ELF2: variants seen among roughly 807,000 people sequenced by gnomAD.
The protein encoded by ELF2 is ETS-related transcription factor Elf-2.
A neutral mutation model predicts 54.8 loss-of-function variants in ELF2; 11 were observed. The ratio of observed to expected loss-of-function variants is 0.20; its 90% CI spans 0.13 to 0.33. The LOEUF (loss-of-function observed/expected upper bound fraction) is 0.33, where lower values mean the gene tolerates loss of function less well. Ranked by LOEUF, ELF2 falls within the 10% of genes least tolerant of loss-of-function variation. The probability of loss-of-function intolerance (pLI) is 1.00; values close to 1 mark genes in which losing one functional copy is unlikely to be tolerated. For synonymous variants in ELF2, 203 were observed against 245.1 expected (o/e 0.83, Z 1.61); for missense variants, 513 against 703.0 (o/e 0.73, Z 3.06).
chr4:139,071,840 C>T (rs1729555316), intron 6 of ELF2, 26 bp downstream of exon 6: 2 of 1,554,324 alleles, frequency 1.3e-6, no homozygotes, highest in African/African-American at 1.4e-5. Context: ...CACCTGCCTT[C>T]TCAGAAATGT....
chr4:139,110,210 A>G lies in ELF2; in HGVS notation c.238+14954T>C, dbSNP rs75794675. ...ACAATAACAAGATTAAGACTCTTAA[A>G]GTGGCAAAATAAGATAAAGCTGCTG... On this transcript the variant is annotated intron_variant, in intron 4 of 9. Coordinates refer to ENST00000686138, the MANE Select transcript of ELF2 (RefSeq NM_001331036.3). Among the ~76,000 whole-genome samples the G allele has an allele frequency of 8.4e-4, 128 of 152,310 alleles. No homozygotes were observed. In the East Asian group the frequency reaches 0.023, roughly 28 times the overall value.
intron 3 of ELF2, among the ~76,000 whole-genome samples, chr4:139,132,841 C>CATATATATATATATATATATAT (rs58765596): frequency 1.6e-4 from 18 of 115,026 alleles, no homozygotes; most frequent in East Asian, 5.0e-4. Context: ...TATTACTTTA[C>CATATATATATATATATATATAT]ATATATATAT....
chr4:139,128,230 A>G (rs1036776730), intron 3 of ELF2, among the ~76,000 whole-genome samples: 3 of 152,118 alleles, frequency 2.0e-5, no homozygotes, highest in African/African-American at 7.2e-5. Context: ...AGCCATAATC[A>G]TGCCTTTGCA....
intron 1 of ELF2, among the ~76,000 whole-genome samples, chr4:139,140,668 C>T (rs534287209): frequency 6.6e-6 from 1 of 151,908 alleles, no homozygotes; most frequent in East Asian, 1.9e-4. Flanking sequence ...GTGGGAGGAC[C>T]GCTTGAGCCC....
chr4:139,093,388 ATTC>A (rs1732893328), intron 4 of ELF2, among the ~76,000 whole-genome samples: 1 of 152,252 alleles, frequency 6.6e-6, no homozygotes, highest in Non-Finnish European at 1.5e-5. Context: ...TTCAAAATTA[ATTC>A]TTAACTTATG....
chr4:139,095,697 T>A (rs1335299561), intron 4 of ELF2, among the ~76,000 whole-genome samples: 1 of 152,242 alleles, frequency 6.6e-6, no homozygotes, highest in African/African-American at 2.4e-5. Flanking sequence ...TTAGTCATTA[T>A]GTATTTTTAA....
At chr4:139,078,379 C>A (rs956290268) in intron 4 of ELF2, among the ~76,000 whole-genome samples, 1 of 152,106 alleles carries the variant, frequency 6.6e-6, no homozygotes, top group Non-Finnish European at 1.5e-5. Context: ...CTGCAGCACC[C>A]GATTTACCAC....
At chr4:139,155,992 A>G (rs1740486228) in intron 1 of ELF2, among the ~76,000 whole-genome samples, 1 of 130,554 alleles carries the variant, frequency 7.7e-6, no homozygotes, top group African/African-American at 3.4e-5. Context: ...AGCTCATTTT[A>G]CAAGAAAAAA....
intron 1 of ELF2, among the ~76,000 whole-genome samples, chr4:139,164,190 T>C (rs72724745): frequency 0.26 from 26,280 of 102,544 alleles, 2,732 homozygotes; most frequent in Middle Eastern, 0.48. Context: ...GAGAGGGAGA[T>C]GAAAAGAAAG....
intron 1 of ELF2, among the ~76,000 whole-genome samples, chr4:139,172,675 C>T (rs1041101189): frequency 6.6e-6 from 1 of 152,076 alleles, no homozygotes; most frequent in African/African-American, 2.4e-5. Flanking sequence ...TTTGCTAACA[C>T]CTACAGTAAG....
chr4:139,162,378 A>G (rs1243130882), intron 1 of ELF2, among the ~76,000 whole-genome samples: 1 of 151,712 alleles, frequency 6.6e-6, no homozygotes. Context: ...CTAAACATAC[A>G]AAAAATAGCT....
At chr4:139,077,471 T>C (rs1370244744) in intron 4 of ELF2, among the ~76,000 whole-genome samples, 1 of 152,186 alleles carries the variant, frequency 6.6e-6, no homozygotes, top group African/African-American at 2.4e-5. Context: ...CTAACTAAAA[T>C]AATGCAAAAT....
intron 1 of ELF2, among the ~76,000 whole-genome samples, chr4:139,157,971 C>T (rs1424243655): frequency 6.6e-6 from 1 of 152,194 alleles, no homozygotes; most frequent in Non-Finnish European, 1.5e-5. Flanking sequence ...CAGGTTAAAA[C>T]TTTAACTCGC....
rs151337521 is a variant in ELF2 at position 139,079,536 on chromosome 4, G to A, written c.239-5969C>T. ...GAAGCGCAGCTGTAATTCATCAACT[G>A]TAATTAATAACAACCAAATTCTATC... On this transcript the variant is annotated intron_variant, in intron 4 of 9. Transcript: ENST00000686138. Among the ~76,000 whole-genome samples, 5 of 152,326 alleles carry A rather than the reference G, an allele frequency of 3.3e-5. No homozygotes were observed. In the East Asian group the frequency reaches 9.6e-4, roughly 29 times the overall value.
rs1353679606 is a variant in ELF2 at position 139,060,601 on chromosome 4, T to C, written c.880A>G (p.Lys294Glu). The stretch of plus-strand genomic sequence containing the variant: ...TCATCATCTATGACCACTATGTTTT[T>C]CGGCATATCCTTGAACTGATATACA... Reference protein sequence around the residue: ...RLVYQFKDMPKNIVVIDDDKS... With the variant: ...RLVYQFKDMPENIVVIDDDKS... Residue 294 changes from lysine to glutamate, a missense_variant, in exon 9 of 10, where the codon AAA becomes GAA. Physicochemically the swap from Lys to Glu is moderately conservative, Grantham distance 56 (BLOSUM62 1). Coordinates refer to ENST00000686138, the MANE Select transcript of ELF2 (RefSeq NM_001331036.3). The C allele has an allele frequency of 6.2e-7, 1 of 1,613,984 alleles. No homozygotes were observed.
At chr4:139,162,574 A>T (rs975519388) in intron 1 of ELF2, among the ~76,000 whole-genome samples, 4 of 152,172 alleles carry the variant, frequency 2.6e-5, no homozygotes, top group African/African-American at 9.7e-5. Context: ...AAATGGAATA[A>T]ATGTTTATAA....
intron 1 of ELF2, among the ~76,000 whole-genome samples, chr4:139,152,879 AAT>A (rs1740150941): frequency 6.8e-6 from 1 of 148,126 alleles, no homozygotes; most frequent in Non-Finnish European, 1.5e-5. Flanking sequence ...CATCAATAAC[AAT>A]AGTGTCATAC....
intron 4 of ELF2, chr4:139,114,914 C>G: frequency 6.2e-7 from 1 of 1,612,542 alleles, no homozygotes; most frequent in African/African-American, 1.3e-5. Context: ...CCACCGTTCT[C>G]CTGGGTCGGG....
intron 4 of ELF2, chr4:139,084,432 G>GCGGCGGC (rs1731697963): frequency 8.4e-7 from 1 of 1,184,328 alleles, no homozygotes; most frequent in Non-Finnish European, 1.0e-6. Flanking sequence ...GGGGCGGCAG[G>GCGGCGGC]GGCAGGGGCG....
Sources: gnomAD v4.1 joint callset for allele counts (sites outside exome capture counted in the v4.1 genomes callset) on GRCh38, gnomAD v4.1.1 for gene constraint, MANE v1.5 for transcripts, NCBI Gene and HGNC (gene_info 2026-07-23, HGNC 2026-07-21) for gene names.